HERC2: variants seen among roughly 807,000 people sequenced by gnomAD.
HERC2 encodes the protein E3 ubiquitin-protein ligase HERC2.
In HERC2, 102 loss-of-function variants were observed where a neutral mutation model predicts 537.7. That is an observed-to-expected ratio of 0.19 (90% CI 0.16 to 0.22). The LOEUF (loss-of-function observed/expected upper bound fraction) is 0.22, where lower values mean the gene tolerates loss of function less well. Among genes scored for constraint, HERC2 ranks in the 10% least tolerant of loss-of-function variants. The probability of loss-of-function intolerance (pLI) is 1.00; values close to 1 mark genes in which losing one functional copy is unlikely to be tolerated. For synonymous variants in HERC2, 2,224 were observed against 2,466.2 expected (o/e 0.90, Z 2.91); for missense variants, 4,236 against 6,198.2 (o/e 0.68, Z 10.63).
intron 75 of HERC2, among the ~76,000 whole-genome samples, chr15:28,142,603 T>C (rs1891335500): frequency 1.3e-5 from 2 of 152,138 alleles, no homozygotes; most frequent in Admixed American, 6.5e-5. Flanking sequence ...CTGCATCAAG[T>C]GACAAGAACA....
intron 70 of HERC2, among the ~76,000 whole-genome samples, chr15:28,152,240 G>A (rs1223112555): frequency 1.3e-5 from 2 of 152,218 alleles, no homozygotes; most frequent in African/African-American, 4.8e-5. Flanking sequence ...ATCAAAGGCC[G>A]GGGCCTCAAC....
rs575523004 is a variant in HERC2, at chr15:28,171,260, G to C, written c.10058-1605C>G. On this transcript the variant is annotated intron_variant, in intron 65 of 92. Transcript: ENST00000261609. ...AATGTCCTTCGATGGTTGAGTATTCGATGGAATACTGAACATACTATGTAA... is the reference window on the plus strand; with the variant it reads ...AATGTCCTTCGATGGTTGAGTATTCCATGGAATACTGAACATACTATGTAA... Among the ~76,000 whole-genome samples the C allele has an allele frequency of 2.6e-5, 4 of 152,186 alleles. No individual in the cohort carries two copies. The East Asian group carries it at 5.8e-4, about 22-fold the overall frequency.
At chr15:28,158,326 G>C (rs960303216) in intron 69 of HERC2, among the ~76,000 whole-genome samples, 2 of 152,170 alleles carry the variant, frequency 1.3e-5, no homozygotes, top group African/African-American at 4.8e-5. Context: ...GTCTAATGTT[G>C]ACAGTGGGGT....
chr15:28,298,284 G>A (rs1412434727), intron 3 of HERC2, among the ~76,000 whole-genome samples: 7 of 146,322 alleles, frequency 4.8e-5, no homozygotes, highest in African/African-American at 1.7e-4. Flanking sequence ...CTCCCAAGTA[G>A]CTGGGATTAC....
chr15:28,126,567 G>T (rs1171974990), intron 83 of HERC2, among the ~76,000 whole-genome samples: 1 of 152,222 alleles, frequency 6.6e-6, no homozygotes, highest in Non-Finnish European at 1.5e-5. Flanking sequence ...GGAATGAAAT[G>T]ATTGCATTTG....
chr15:28,296,393 A>C (rs2076469970), intron 3 of HERC2, among the ~76,000 whole-genome samples: 1 of 152,102 alleles, frequency 6.6e-6, no homozygotes, highest in Non-Finnish European at 1.5e-5. Context: ...GAACTGCTTG[A>C]ACCGGGGAGG....
At chr15:28,133,113 G>A (rs1451219829) in intron 79 of HERC2, among the ~76,000 whole-genome samples, 1 of 149,640 alleles carries the variant, frequency 6.7e-6, no homozygotes, top group African/African-American at 2.5e-5. Context: ...TATGAGCTGA[G>A]AACAGGTTTT....
At chr15:28,136,346 C>T (rs1233859804) in intron 78 of HERC2, among the ~76,000 whole-genome samples, 2 of 151,806 alleles carry the variant, frequency 1.3e-5, no homozygotes, top group Admixed American at 1.3e-4. Context: ...AAGGAAGCCA[C>T]AAGGGCCAAT....
At chr15:28,253,131 A>G (rs2075136769) in intron 20 of HERC2, among the ~76,000 whole-genome samples, 1 of 152,164 alleles carries the variant, frequency 6.6e-6, no homozygotes. Flanking sequence ...TCTCTTTCAC[A>G]AATCACCTTG....
intron 23 of HERC2, among the ~76,000 whole-genome samples, chr15:28,245,457 G>A (rs1205318357): frequency 6.6e-6 from 1 of 151,422 alleles, no homozygotes; most frequent in African/African-American, 2.4e-5. Flanking sequence ...TGAGGCAAGA[G>A]AATCACTTGA....
chr15:28,198,034 A>AT, intron 50 of HERC2, among the ~76,000 whole-genome samples: 1 of 152,286 alleles, frequency 6.6e-6, no homozygotes, highest in Middle Eastern at 3.4e-3. Flanking sequence ...AGGTAAATTT[A>AT]TTAAGACATC....
At chr15:28,124,710 C>T (rs1889284108) in intron 84 of HERC2, among the ~76,000 whole-genome samples, 1 of 152,168 alleles carries the variant, frequency 6.6e-6, no homozygotes, top group African/African-American at 2.4e-5. Flanking sequence ...CAGGTGCATG[C>T]CACTATGCCT....
In HERC2 at chr15:28,150,472, T is replaced by C. The variant is rs116891237; in HGVS notation, c.10900+2205A>G. On this transcript the variant is annotated intron_variant, in intron 70 of 92. Transcript: ENST00000261609. ...ACACGAACGTACATTCTAGTGAAAT[T>C]ACCAAAAAAACACACGCAGCTTCTA... Among the ~76,000 whole-genome samples, 843 of 143,882 alleles carry C rather than the reference T, an allele frequency of 5.9e-3. 64 individuals carry two copies. In the East Asian group the frequency reaches 0.17, roughly 28 times the overall value. 94.4% of individuals were successfully genotyped at this position (143,882 alleles called of 152,430 possible).
rs899099285 is a variant in HERC2 at position 28,126,353 on chromosome 15, A to G, written c.12803-1160T>C. Among the ~76,000 whole-genome samples the G allele has an allele frequency of 5.3e-5, 8 of 152,352 alleles. 1 individual carries two copies. Among genetic ancestry groups the G allele is most frequent in the African/African-American group, 1.9e-4 (8 of 41,586 alleles). The stretch of plus-strand genomic sequence containing the variant: ...TCCTCAAAGAACTAAAAGTAGATCT[A>G]CCATTTGATCCAGCAATCCCACCAC... On this transcript the variant is annotated intron_variant, in intron 83 of 92. Transcript: ENST00000261609.
At chr15:28,189,957 C>T (rs1046502062) in intron 55 of HERC2, among the ~76,000 whole-genome samples, 3 of 151,564 alleles carry the variant, frequency 2.0e-5, no homozygotes, top group Non-Finnish European at 4.4e-5. Context: ...TATAATTAGT[C>T]TACACCAGAC....
At chr15:28,233,614 G>C (rs747979547) in intron 28 of HERC2, 50 bp downstream of exon 28, 7 of 1,613,696 alleles carry the variant, frequency 4.3e-6, no homozygotes, top group Non-Finnish European at 5.1e-6. Flanking sequence ...CCTCAGGTTA[G>C]TCGAGGAATC....
chr15:28,262,085 G>T (rs902904000), intron 15 of HERC2, among the ~76,000 whole-genome samples: 2 of 152,120 alleles, frequency 1.3e-5, no homozygotes, highest in Non-Finnish European at 1.5e-5. Flanking sequence ...GAACCCTAAA[G>T]AGTCCATCTG....
intron 68 of HERC2, 147 bp downstream of exon 68, chr15:28,167,540 C>T: frequency 1.1e-6 from 1 of 905,186 alleles, no homozygotes. Flanking sequence ...GCGGCATTCC[C>T]ACAAACGCTT....
chr15:28,115,551 C>A lies in HERC2; in HGVS notation c.13610-10G>T, dbSNP rs1186680563. The stretch of plus-strand genomic sequence containing the variant: ...ATGCCCAGCAACACACCTGATCATT[C>A]AGGACACAAGTGACAGAGGACACTT... On this transcript the variant is annotated splice_polypyrimidine_tract_variant and intron_variant, in intron 88 of 92. Coordinates refer to ENST00000261609, the MANE Select transcript of HERC2 (RefSeq NM_004667.6). 1 of 1,603,936 alleles carries A rather than the reference C, an allele frequency of 6.2e-7. No individual in the cohort carries two copies. Among genetic ancestry groups the A allele is most frequent in the South Asian group, 1.1e-5 (1 of 90,830 alleles).
Sources: allele counts gnomAD v4.1 joint callset (sites outside exome capture counted in the v4.1 genomes callset), GRCh38; gene constraint gnomAD v4.1.1; transcripts MANE v1.5; gene names NCBI Gene and HGNC (gene_info 2026-07-23, HGNC 2026-07-21).